Variants in ROPN1 observed in about 807,000 individuals in gnomAD.
ROPN1 encodes the protein ropporin-1A.
Under a neutral mutation model 20.5 loss-of-function variants are expected in ROPN1, and 14 were observed. The ratio of observed to expected loss-of-function variants is 0.68; its 90% confidence interval spans 0.45 to 1.07. The LOEUF is 1.07. Among genes scored for constraint, ROPN1 ranks in the 50% least tolerant of loss-of-function variants. The probability of loss-of-function intolerance (pLI) is 0.00; values close to 1 mark genes in which losing one functional copy is unlikely to be tolerated. For synonymous variants in ROPN1, 76 were observed against 95.7 expected, an observed-to-expected ratio of 0.79 and a Z score of 1.20; for missense variants, 169 against 242.8, an observed-to-expected ratio of 0.70 and a Z score of 2.02.
intron 1 of ROPN1, among the ~76,000 whole-genome samples, chr3:123,990,162 C>T (rs1033689283): frequency 6.6e-6 from 1 of 152,116 alleles, no homozygotes; most frequent in Non-Finnish European, 1.5e-5. Flanking sequence ...TATGGCAGCA[C>T]TTTTGACAAC....
In ROPN1 at chr3:123,985,992, CAAAAA is replaced by C. The variant is rs35677015; in HGVS notation, c.-12-5504_-12-5500del. ...TGGGTGACAGAGCAAGACCTTGTCT[CAAAAA>C]AAAAAAAAAAAAAAAAAAAAATCAA... On this transcript the variant is annotated intron_variant, in intron 1 of 5. Transcript: ENST00000405845. Among the ~76,000 whole-genome samples the C allele has an allele frequency of 7.2e-4, 16 of 22,138 alleles. No homozygotes were observed. In the East Asian group the frequency reaches 0.038, roughly 53 times the overall value. 14.5% of individuals were successfully genotyped at this position (22,138 alleles called of 152,430 possible).
intron 5 of ROPN1, among the ~76,000 whole-genome samples, chr3:123,969,808 G>T (rs567632338): frequency 6.6e-6 from 1 of 152,342 alleles, no homozygotes; most frequent in East Asian, 1.9e-4. Context: ...CTTCTTAGGT[G>T]CTGCTGCCGC....
intron 4 of ROPN1, among the ~76,000 whole-genome samples, chr3:123,974,236 A>G (rs2037971508): frequency 6.6e-6 from 1 of 152,218 alleles, no homozygotes; most frequent in South Asian, 2.1e-4. Context: ...AAAAATCTGT[A>G]ACCCTATGAG....
chr3:123,972,502 G>A lies in ROPN1; in HGVS notation c.397-2285C>T, dbSNP rs139767617. On this transcript the variant is annotated intron_variant, in intron 4 of 5. Coordinates refer to ENST00000405845, the MANE Select transcript of ROPN1 (RefSeq NM_001317774.2). ...GTGAACATGATTATTTTCTACATACGTGATCTCTTCCTTTTTTAATAATCA... is the reference window on the plus strand; with the variant it reads ...GTGAACATGATTATTTTCTACATACATGATCTCTTCCTTTTTTAATAATCA... Among the ~76,000 whole-genome samples the A allele has an allele frequency of 3.5e-3, 532 of 152,326 alleles. 9 individuals carry two copies. The highest frequency in any genetic ancestry group is 0.028 in the Admixed American group (430 of 15,302).
chr3:123,987,341 CT>C (rs767715977), intron 1 of ROPN1, among the ~76,000 whole-genome samples: 5 of 152,194 alleles, frequency 3.3e-5, no homozygotes, highest in Non-Finnish European at 7.3e-5. Flanking sequence ...TCCCAGCTTT[CT>C]CCCCCTTCAG....
chr3:123,974,541 A>C (rs1229564206), intron 4 of ROPN1: 2 of 152,256 alleles, frequency 1.3e-5, no homozygotes, highest in African/African-American at 4.8e-5. Context: ...TATTCCAAGC[A>C]TATTTGAGAA....
intron 1 of ROPN1, among the ~76,000 whole-genome samples, chr3:123,986,462 A>G (rs1477353750): frequency 6.6e-6 from 1 of 151,832 alleles, no homozygotes; most frequent in Admixed American, 6.6e-5. Flanking sequence ...GGTGGTGTTG[A>G]ATGGGGGTGG....
intron 3 of ROPN1, among the ~76,000 whole-genome samples, chr3:123,976,583 C>A (rs1368617831): frequency 2.0e-5 from 3 of 152,218 alleles, no homozygotes; most frequent in Admixed American, 1.3e-4. Flanking sequence ...AGGACTTGCA[C>A]TTTTCTGGAG....
chr3:123,977,954 C>T (rs1281465480), intron 2 of ROPN1, among the ~76,000 whole-genome samples: 2 of 152,198 alleles, frequency 1.3e-5, no homozygotes, highest in Non-Finnish European at 2.9e-5. Context: ...GGGTCTGTCT[C>T]CATCAAAAGC....
intron 4 of ROPN1, chr3:123,974,405 A>G (rs1184763091): frequency 1.3e-5 from 2 of 152,216 alleles, no homozygotes; most frequent in African/African-American, 4.8e-5. Flanking sequence ...AGAAAGTGCC[A>G]CAAATGTCCT....
intron 1 of ROPN1, among the ~76,000 whole-genome samples, chr3:123,988,887 G>T (rs1377664161): frequency 6.6e-6 from 1 of 151,858 alleles, no homozygotes; most frequent in Non-Finnish European, 1.5e-5. Context: ...GTGTCAAGAA[G>T]CCTGCACTAG....
chr3:123,982,811 G>A (rs72968907), intron 1 of ROPN1, among the ~76,000 whole-genome samples: 19,354 of 152,050 alleles, frequency 0.13, 2,960 homozygotes, highest in East Asian at 0.35. Context: ...ATCACCACCA[G>A]CCATCTCCAG....
At chr3:123,974,198 C>T (rs550862424) in intron 4 of ROPN1, among the ~76,000 whole-genome samples, 38 of 152,168 alleles carry the variant, frequency 2.5e-4, no homozygotes, top group South Asian at 6.2e-4. Context: ...ATATTTTCCC[C>T]CAAAAACGTC....
In ROPN1 at chr3:123,983,635, C is replaced by T. The variant is rs554246419; in HGVS notation, c.-12-3142G>A. Among the ~76,000 whole-genome samples the T allele has an allele frequency of 1.3e-3, 192 of 152,274 alleles. 1 individual carries two copies. The highest frequency in any genetic ancestry group is 1.7e-3 in the Non-Finnish European group (119 of 68,028). Reference sequence around the variant, plus strand: ...AGGAATCTCTTGTAAGTTTTCCATACCCATTGTCTTTCTCAGGGGTTGGTC... The same window carrying T: ...AGGAATCTCTTGTAAGTTTTCCATATCCATTGTCTTTCTCAGGGGTTGGTC... On this transcript the variant is annotated intron_variant, in intron 1 of 5. Coordinates refer to ENST00000405845, the MANE Select transcript of ROPN1 (RefSeq NM_001317774.2).
intron 1 of ROPN1, among the ~76,000 whole-genome samples, chr3:123,983,268 G>A (rs766175941): frequency 6.6e-6 from 1 of 151,950 alleles, no homozygotes. Context: ...TTTAAATTGT[G>A]TTGGGTATAT....
chr3:123,983,527 T>G (rs754205616), intron 1 of ROPN1, among the ~76,000 whole-genome samples: 1 of 152,236 alleles, frequency 6.6e-6, no homozygotes, highest in Non-Finnish European at 1.5e-5. Context: ...TTAGTCAGTA[T>G]AGAGCAAACT....
chr3:123,977,014 C>T, intron 2 of ROPN1, 33 bp from the exon 3 acceptor site: 2 of 1,571,678 alleles, frequency 1.3e-6, no homozygotes, highest in Non-Finnish European at 1.7e-6. Context: ...GTAGGAGGAT[C>T]CTATACACCA....
At position 123,969,185 on chromosome 3, in the gene ROPN1, A is replaced by G. The variant is rs17842475; in HGVS notation, c.609T>C (p.Phe203=). 5.0e-3 allele frequency: 7,995 copies of G among 1,614,066 alleles called. 326 individuals are homozygous for G. The African/African-American group carries it at 0.09, about 18-fold the overall frequency. ...GPDGIITVND[F]TQNPRVQLE ...CCAGCTGAACCCTGGGGTTTTGGGTAAAGTCATTCACTGTGATTATACCAT... is the reference window on the plus strand; with the variant it reads ...CCAGCTGAACCCTGGGGTTTTGGGTGAAGTCATTCACTGTGATTATACCAT... Residue 203 remains phenylalanine, a synonymous_variant, in exon 6 of 6, where the codon TTT becomes TTC. Transcript: ENST00000405845.
intron 4 of ROPN1, among the ~76,000 whole-genome samples, chr3:123,972,284 CT>C (rs1345438997): frequency 6.6e-6 from 1 of 152,190 alleles, no homozygotes; most frequent in Non-Finnish European, 1.5e-5. Context: ...GTATAAATAA[CT>C]CTTTGGACTG....
Sources: gnomAD v4.1 joint callset for allele counts (sites outside exome capture counted in the v4.1 genomes callset) on GRCh38, gnomAD v4.1.1 for gene constraint, MANE v1.5 for transcripts, NCBI Gene and HGNC (gene_info 2026-07-23, HGNC 2026-07-21) for gene names.